TCF20: variants seen among roughly 807,000 people sequenced by gnomAD.
TCF20 encodes SPRE-binding protein.
TCF20 carries 3 observed loss-of-function variants against 148.6 expected under a neutral mutation model. That is an observed-to-expected ratio of 0.02 (90% confidence interval 0.01 to 0.05). The LOEUF (loss-of-function observed/expected upper bound fraction) is 0.05. Ranked by LOEUF, TCF20 falls within the 10% of genes least tolerant of loss-of-function variation. The pLI is 1.00. For missense variants in TCF20, 2,350 were observed against 2,429.3 expected (o/e 0.97, Z 0.69); for synonymous variants, 1,049 against 909.5 (o/e 1.15, Z -2.76).
At chr22:42,251,710 C>T (rs1403659164) in intron 1 of TCF20, among the ~76,000 whole-genome samples, 4 of 150,482 alleles carry the variant, frequency 2.7e-5, no homozygotes, top group Non-Finnish European at 4.4e-5. Flanking sequence ...GCCATGTTGG[C>T]CAGGCTGGTC....
chr22:42,226,769 C>G (rs561510537), intron 1 of TCF20, among the ~76,000 whole-genome samples: 1 of 152,190 alleles, frequency 6.6e-6, no homozygotes, highest in East Asian at 1.9e-4. Flanking sequence ...CAAAAGATAT[C>G]AATGACCAAT....
chr22:42,246,208 T>A (rs1601655072), intron 1 of TCF20, among the ~76,000 whole-genome samples: 1 of 152,168 alleles, frequency 6.6e-6, no homozygotes, highest in Non-Finnish European at 1.5e-5. Flanking sequence ...CAGGTTCAAG[T>A]GATTCTCTTA....
chr22:42,328,116 T>C (rs544277373), intron 1 of TCF20, among the ~76,000 whole-genome samples: 36 of 152,218 alleles, frequency 2.4e-4, no homozygotes, highest in African/African-American at 8.4e-4. Flanking sequence ...GCTTGTCTTC[T>C]CTCAACTGAA....
rs1569209607 is a variant in TCF20 at position 42,323,866 on chromosome 22, G to GTGGAGGTGGTGGCGGAGGTTA, written c.-37+19612_-37+19613insTAACCTCCGCCACCACCTCCA. 9.2e-5 allele frequency among the ~76,000 whole-genome samples: 12 copies of GTGGAGGTGGTGGCGGAGGTTA among 129,964 alleles called. 1 individual carries two copies. Among genetic ancestry groups the GTGGAGGTGGTGGCGGAGGTTA allele is most frequent in the East Asian group, 4.5e-4 (2 of 4,474 alleles). The allele number at this position is 129,964 out of a possible 152,430, so 85.3% of individuals were successfully genotyped here. On this transcript the variant is annotated intron_variant, in intron 1 of 1. Transcript: ENST00000515426. ...GGTAGTGGTGATGGAGGTTATGGTG[G>GTGGAGGTGGTGGCGGAGGTTA]TGGTGGTGGTGGTGGTGATGGAGGT...
chr22:42,323,843 T>TGGTGGTG (rs1350188781), intron 1 of TCF20, among the ~76,000 whole-genome samples: 3 of 150,132 alleles, frequency 2.0e-5, no homozygotes, highest in Non-Finnish European at 3.0e-5. Flanking sequence ...GCGGTGGTGG[T>TGGTGGTG]AGTGGTGATG....
intron 2 of TCF20, among the ~76,000 whole-genome samples, chr22:42,188,429 A>G (rs971786035): frequency 6.6e-6 from 1 of 152,126 alleles, no homozygotes; most frequent in Non-Finnish European, 1.5e-5. Flanking sequence ...CTTCTTCAGA[A>G]TCATAAAGTG....
intron 2 of TCF20, among the ~76,000 whole-genome samples, chr22:42,184,274 A>C (rs150295352): frequency 3.3e-5 from 5 of 152,196 alleles, no homozygotes; most frequent in Admixed American, 6.5e-5. Flanking sequence ...TTAGAACTTT[A>C]CCTCTTTTTC....
chr22:42,343,413 G>T (rs1928202595), intron 1 of TCF20: 1 of 151,682 alleles, frequency 6.6e-6, no homozygotes, highest in Admixed American at 6.6e-5. Context: ...GATGCTGGGC[G>T]GGCATCGGGC....
At chr22:42,310,359 G>A (rs1242650025) in intron 1 of TCF20, among the ~76,000 whole-genome samples, 5 of 151,774 alleles carry the variant, frequency 3.3e-5, no homozygotes, top group Non-Finnish European at 5.9e-5. Context: ...CTGGGGCTAC[G>A]GAGCCCATGT....
chr22:42,221,738 G>GGTTTTTTTTTT (rs1555931739), intron 1 of TCF20, among the ~76,000 whole-genome samples: 1 of 40,694 alleles, frequency 2.5e-5, no homozygotes, highest in Non-Finnish European at 4.6e-5. Context: ...TATGGCAAAG[G>GGTTTTTTTTTT]GTTTTTTTTT....
At chr22:42,229,641 T>C (rs774953736) in intron 1 of TCF20, among the ~76,000 whole-genome samples, 2 of 152,194 alleles carry the variant, frequency 1.3e-5, no homozygotes, top group African/African-American at 2.4e-5. Context: ...CTGCTCACTA[T>C]TGGCCAAACC....
At chr22:42,199,706 CAAAAAA>C (rs59845847) in intron 2 of TCF20, among the ~76,000 whole-genome samples, 10 of 33,868 alleles carry the variant, frequency 3.0e-4, no homozygotes, top group African/African-American at 8.0e-4. Flanking sequence ...CCCATCTCTA[CAAAAAA>C]AAAAAAAAAA....
chr22:42,225,975 G>A (rs1030123822), intron 1 of TCF20, among the ~76,000 whole-genome samples: 1 of 152,230 alleles, frequency 6.6e-6, no homozygotes, highest in Non-Finnish European at 1.5e-5. Flanking sequence ...AAACAGCCAA[G>A]AGGCTGCAAG....
At chr22:42,182,728 T>C (rs1412760175) in intron 2 of TCF20, among the ~76,000 whole-genome samples, 2 of 152,172 alleles carry the variant, frequency 1.3e-5, no homozygotes, top group Admixed American at 6.5e-5. Context: ...TTGTCAGAAA[T>C]GCAGTTTTGT....
At chr22:42,161,972 C>CTTTTT (rs3045573) in intron 5 of TCF20, among the ~76,000 whole-genome samples, 900 of 74,950 alleles carry the variant, frequency 0.012, 197 homozygotes, top group African/African-American at 0.028. Context: ...TAATGACAGT[C>CTTTTT]TTTTTTTTTT....
chr22:42,245,993 A>G (rs1406756539), intron 1 of TCF20, among the ~76,000 whole-genome samples: 1 of 152,166 alleles, frequency 6.6e-6, no homozygotes, highest in African/African-American at 2.4e-5. Flanking sequence ...CCCTGAGGAC[A>G]AGTACTAGGA....
intron 5 of TCF20, among the ~76,000 whole-genome samples, chr22:42,166,988 T>G (rs574575059): frequency 6.6e-6 from 1 of 152,306 alleles, no homozygotes; most frequent in Non-Finnish European, 1.5e-5. Context: ...AATGGCTGCC[T>G]TGTCCTAAGG....
chr22:42,277,990 C>T (rs1388146071), intron 1 of TCF20, among the ~76,000 whole-genome samples: 2 of 152,266 alleles, frequency 1.3e-5, no homozygotes, highest in African/African-American at 4.8e-5. Flanking sequence ...CAGGACAAGA[C>T]GCTTATCAGC....
intron 2 of TCF20, among the ~76,000 whole-genome samples, chr22:42,192,290 T>C (rs1327932261): frequency 2.0e-5 from 3 of 152,202 alleles, no homozygotes; most frequent in African/African-American, 7.2e-5. Flanking sequence ...AGATTTCAAA[T>C]CTGTGAAGAT....
Sources: allele counts gnomAD v4.1 joint callset (sites outside exome capture counted in the v4.1 genomes callset), GRCh38; gene constraint gnomAD v4.1.1; transcripts MANE v1.5; gene names NCBI Gene and HGNC (gene_info 2026-07-23, HGNC 2026-07-21).